The following CPVL variants were observed in gnomAD, a reference collection of about 807,000 sequenced individuals.
The protein encoded by CPVL is probable serine carboxypeptidase CPVL.
A neutral mutation model predicts 63.7 loss-of-function variants in CPVL; 51 were observed. The observed-to-expected ratio is 0.80, with a 90% confidence interval of 0.64 to 1.01. The LOEUF is 1.01. CPVL is among the 50% of genes least tolerant of loss of function. CPVL has a pLI of 0.00. For synonymous variants in CPVL, 195 were observed against 206.0 expected (o/e 0.95, Z 0.46); for missense variants, 530 against 573.1 (o/e 0.92, Z 0.77).
At chr7:29,069,770 A>ATGTGTGTGTGTG (rs70977102) in intron 9 of CPVL, among the ~76,000 whole-genome samples, 12 of 132,340 alleles carry the variant, frequency 9.1e-5, no homozygotes, top group African/African-American at 3.2e-4. Flanking sequence ...TCACCAGTAA[A>ATGTGTGTGTGTG]TGTGTGTGTG....
At chr7:29,107,300 G>A (rs901283644) in intron 3 of CPVL, among the ~76,000 whole-genome samples, 1 of 152,204 alleles carries the variant, frequency 6.6e-6, no homozygotes, top group Non-Finnish European at 1.5e-5. Flanking sequence ...AAGAGCACTG[G>A]GAACTAGCCT....
At chr7:29,033,956 C>T (rs1788271626) in intron 11 of CPVL, among the ~76,000 whole-genome samples, 1 of 152,158 alleles carries the variant, frequency 6.6e-6, no homozygotes, top group Non-Finnish European at 1.5e-5. Flanking sequence ...CTTGTTTGTA[C>T]TCTAATTATC....
At position 29,071,826 on chromosome 7, in the gene CPVL, A is replaced by T. The variant is rs1425717718; in HGVS notation, c.811T>A (p.Cys271Ser). ...EKQKKYFQKQ[C>S]HECIEHIRKQ... ...CTGATGTGTTCTATGCATTCATGGCACTGCTTCTGGAAGTACTTTTTTTGC... is the reference window on the plus strand; with the variant it reads ...CTGATGTGTTCTATGCATTCATGGCTCTGCTTCTGGAAGTACTTTTTTTGC... The change falls in exon 9 of 13, where the codon TGC (cysteine) becomes AGC (serine). Residue 271 changes from cysteine (C) to serine (S), a missense_variant. By Grantham distance (112) the Cys-to-Ser change is moderately radical. Transcript: ENST00000265394. The T allele has an allele frequency of 6.2e-7, 1 of 1,611,750 alleles. No individual in the cohort carries two copies. Among genetic ancestry groups the T allele is most frequent in the Non-Finnish European group, 8.5e-7 (1 of 1,178,934 alleles).
At chr7:29,130,361 T>C (rs1790558788) in intron 1 of CPVL, among the ~76,000 whole-genome samples, 1 of 152,226 alleles carries the variant, frequency 6.6e-6, no homozygotes, top group African/African-American at 2.4e-5. Flanking sequence ...GGGTCCTTTA[T>C]GGAATACCAA....
At chr7:29,012,655 T>A (rs1471610866) in intron 12 of CPVL, 1 of 152,198 alleles carries the variant, frequency 6.6e-6, no homozygotes, top group African/African-American at 2.4e-5. Context: ...AGAGTAAAAC[T>A]GTGTTCTCAA....
chr7:29,059,036 T>C (rs1249642764), intron 11 of CPVL, among the ~76,000 whole-genome samples: 1 of 152,142 alleles, frequency 6.6e-6, no homozygotes, highest in African/African-American at 2.4e-5. Flanking sequence ...ATTCCCTTTA[T>C]GTGTATGTTA....
At chr7:29,151,583 T>C (rs1009987811) in intron 5 of CPVL, among the ~76,000 whole-genome samples, 6 of 152,200 alleles carry the variant, frequency 3.9e-5, no homozygotes, top group African/African-American at 1.4e-4. Context: ...CCAACACTTT[T>C]TATATATATC....
intron 12 of CPVL, among the ~76,000 whole-genome samples, chr7:29,027,797 A>G (rs1006816099): frequency 6.6e-6 from 1 of 152,204 alleles, no homozygotes; most frequent in African/African-American, 2.4e-5. Flanking sequence ...TCTACAAGGA[A>G]AACTATAAAA....
intron 1 of CPVL, chr7:29,193,030 T>C (rs1783094139): frequency 6.6e-6 from 1 of 152,292 alleles, no homozygotes; most frequent in Non-Finnish European, 1.5e-5. Flanking sequence ...AACTGCATCA[T>C]TTCGTGCAGT....
At chr7:29,007,192 C>T (rs1163902150) in intron 12 of CPVL, among the ~76,000 whole-genome samples, 1 of 152,182 alleles carries the variant, frequency 6.6e-6, no homozygotes, top group Non-Finnish European at 1.5e-5. Context: ...AGCTGTTACA[C>T]CTCAATAAAT....
chr7:29,115,776 G>A (rs1788721648), intron 2 of CPVL, among the ~76,000 whole-genome samples: 1 of 151,970 alleles, frequency 6.6e-6, no homozygotes, highest in African/African-American at 2.4e-5. Flanking sequence ...AGTATAATGA[G>A]AAAAAGAGAA....
At chr7:29,177,135 T>G (rs1193461782) in intron 5 of CPVL, among the ~76,000 whole-genome samples, 1 of 152,200 alleles carries the variant, frequency 6.6e-6, no homozygotes, top group Non-Finnish European at 1.5e-5. Context: ...CACTAAAAAA[T>G]TTACTCACTG....
At chr7:29,143,689 T>C (rs1792145398) in intron 1 of CPVL, among the ~76,000 whole-genome samples, 1 of 152,104 alleles carries the variant, frequency 6.6e-6, no homozygotes, top group Admixed American at 6.5e-5. Context: ...AGACAACCAA[T>C]AACTAGAATC....
chr7:29,115,214 A>G (rs1788657009), intron 2 of CPVL, among the ~76,000 whole-genome samples: 1 of 152,232 alleles, frequency 6.6e-6, no homozygotes, highest in Admixed American at 6.5e-5. Flanking sequence ...GGTTCAGTCA[A>G]TTGGAAGGGA....
chr7:29,028,807 T>C (rs1392944214), intron 12 of CPVL, among the ~76,000 whole-genome samples: 6 of 151,602 alleles, frequency 4.0e-5, no homozygotes, highest in Non-Finnish European at 1.5e-5. Flanking sequence ...CTACTAAAAA[T>C]AGAAAAACTT....
At chr7:29,115,650 AAAG>A (rs898341773) in intron 2 of CPVL, among the ~76,000 whole-genome samples, 59 of 115,908 alleles carry the variant, frequency 5.1e-4, no homozygotes, top group African/African-American at 1.3e-3. Context: ...CCAAAAAAAA[AAAG>A]GAGAGTAGAG....
intron 5 of CPVL, among the ~76,000 whole-genome samples, chr7:29,174,139 CG>C (rs963290239): frequency 4.6e-5 from 7 of 151,914 alleles, no homozygotes; most frequent in East Asian, 3.9e-4. Context: ...GAGACCCCCC[CG>C]TTTGGTGGCA....
chr7:29,006,895 C>G (rs895395381), intron 12 of CPVL, among the ~76,000 whole-genome samples: 6 of 131,062 alleles, frequency 4.6e-5, no homozygotes, highest in African/African-American at 1.5e-4. Context: ...CTACCCTACT[C>G]CATCTTCCGC....
At chr7:29,071,712 CGCCCT>C in intron 9 of CPVL, 56 bp downstream of exon 9, 108 of 618,186 alleles carry the variant, frequency 1.7e-4, no homozygotes, top group Non-Finnish European at 2.8e-4. Flanking sequence ...CCTGCTCACC[CGCCCT>C]CCCTCCCCAG....
Sources: allele counts gnomAD v4.1 joint callset (sites outside exome capture counted in the v4.1 genomes callset), GRCh38; gene constraint gnomAD v4.1.1; transcripts MANE v1.5; gene names NCBI Gene and HGNC (gene_info 2026-07-23, HGNC 2026-07-21).